SPTLC3: variants seen among roughly 807,000 people sequenced by gnomAD.
The protein encoded by SPTLC3 is serine palmitoyltransferase 3.
A neutral mutation model predicts 59.3 loss-of-function variants in SPTLC3; 36 were observed. The observed-to-expected ratio is 0.61, with a 90% CI of 0.47 to 0.80. SPTLC3 has a LOEUF of 0.80. Among genes scored for constraint, SPTLC3 ranks in the 30% least tolerant of loss-of-function variants. The pLI is 0.00. For missense variants in SPTLC3, 625 were observed against 685.1 expected, an observed-to-expected ratio of 0.91 and a Z score of 0.98; for synonymous variants, 257 against 240.8, an observed-to-expected ratio of 1.07 and a Z score of -0.62.
intron 8 of SPTLC3, 41 bp from the exon 9 acceptor site, chr20:13,126,549 GA>G: frequency 6.2e-7 from 1 of 1,608,712 alleles, no homozygotes. Context: ...CCAGTGTTGA[GA>G]TTTATTTGCC....
At chr20:13,139,434 T>A (rs941830695) in intron 9 of SPTLC3, among the ~76,000 whole-genome samples, 1 of 152,208 alleles carries the variant, frequency 6.6e-6, no homozygotes, top group African/African-American at 2.4e-5. Flanking sequence ...GTGTTTCTGT[T>A]GGGCAAGACA....
intron 9 of SPTLC3, among the ~76,000 whole-genome samples, chr20:13,152,142 A>C (rs6041907): frequency 2.0e-5 from 3 of 152,146 alleles, no homozygotes; most frequent in Non-Finnish European, 4.4e-5. Flanking sequence ...CTAGAATCCA[A>C]TTCTGGCTTG....
intron 9 of SPTLC3, among the ~76,000 whole-genome samples, chr20:13,135,722 T>A (rs976095172): frequency 6.6e-4 from 101 of 152,366 alleles, no homozygotes; most frequent in African/African-American, 2.3e-3. Context: ...GTTGGAACGA[T>A]TCTAGCTATA....
chr20:13,014,893 A>G (rs1342357388), intron 1 of SPTLC3, among the ~76,000 whole-genome samples: 1 of 152,142 alleles, frequency 6.6e-6, no homozygotes, highest in African/African-American at 2.4e-5. Flanking sequence ...GCACACTCCT[A>G]TGGCAGAGAA....
chr20:13,027,300 C>T (rs6041775), intron 1 of SPTLC3, among the ~76,000 whole-genome samples: 4,720 of 152,258 alleles, frequency 0.031, 249 homozygotes, highest in African/African-American at 0.11. Context: ...CTGTACGTCC[C>T]TTTCACATCC....
In SPTLC3 at chr20:13,165,052, A is replaced by T. The variant is rs1232996528; in HGVS notation, c.*185A>T. 1 of 544,096 alleles carries T rather than the reference A, an allele frequency of 1.8e-6. No homozygotes were observed. Among genetic ancestry groups the T allele is most frequent in the Non-Finnish European group, 3.3e-6 (1 of 305,864 alleles). 33.7% of individuals were successfully genotyped at this position (544,096 alleles called of 1,614,324 possible). A position where few individuals can be genotyped will look rare whatever the true frequency, so the allele number is the denominator to read the frequency against. ...CAGCTTGGACTGCAGAGACAAAAACATGATTCCAGATTTAAGTCTCTCTTC... is the reference window on the plus strand; with the variant it reads ...CAGCTTGGACTGCAGAGACAAAAACTTGATTCCAGATTTAAGTCTCTCTTC... On this transcript the variant is annotated 3_prime_UTR_variant, in exon 12 of 12. Transcript: ENST00000399002.
At chr20:13,061,514 C>T (rs1987974066) in intron 2 of SPTLC3, among the ~76,000 whole-genome samples, 1 of 152,158 alleles carries the variant, frequency 6.6e-6, no homozygotes, top group Admixed American at 6.5e-5. Flanking sequence ...CATCAGCAGT[C>T]ATTCAGCCTT....
chr20:13,082,291 G>A (rs1281661283), intron 4 of SPTLC3, among the ~76,000 whole-genome samples: 1 of 152,164 alleles, frequency 6.6e-6, no homozygotes, highest in African/African-American at 2.4e-5. Context: ...TGTTTCCACA[G>A]TCTGTAGGTC....
intron 9 of SPTLC3, among the ~76,000 whole-genome samples, chr20:13,153,444 C>A (rs1044012569): frequency 6.6e-6 from 1 of 152,118 alleles, no homozygotes; most frequent in Admixed American, 6.5e-5. Context: ...TAGTCTACCA[C>A]CAAATGCCTC....
chr20:13,027,619 C>G (rs1388503607), intron 1 of SPTLC3, among the ~76,000 whole-genome samples: 2 of 144,876 alleles, frequency 1.4e-5, no homozygotes, highest in Non-Finnish European at 3.0e-5. Context: ...AGCCTCTGTT[C>G]TTCAGTAATC....
At chr20:13,034,496 C>G (rs1052611635) in intron 1 of SPTLC3, among the ~76,000 whole-genome samples, 1 of 152,138 alleles carries the variant, frequency 6.6e-6, no homozygotes, top group African/African-American at 2.4e-5. Flanking sequence ...GTTAGACCTC[C>G]TGATGGTGTC....
At chr20:13,145,584 T>C (rs2038490436) in intron 9 of SPTLC3, among the ~76,000 whole-genome samples, 1 of 152,188 alleles carries the variant, frequency 6.6e-6, no homozygotes, top group Non-Finnish European at 1.5e-5. Flanking sequence ...ACAGATTCAG[T>C]TCTATGCCCA....
chr20:13,102,014 T>C (rs774128070), intron 6 of SPTLC3, among the ~76,000 whole-genome samples: 4 of 152,146 alleles, frequency 2.6e-5, no homozygotes, highest in Non-Finnish European at 5.9e-5. Context: ...TGGAGTAGTT[T>C]AAAAGAAAAA....
At chr20:13,070,579 A>G (rs1252381122) in intron 2 of SPTLC3, among the ~76,000 whole-genome samples, 1 of 152,236 alleles carries the variant, frequency 6.6e-6, no homozygotes, top group African/African-American at 2.4e-5. Context: ...GCTCCAAAGC[A>G]TAGGCGGGAG....
intron 10 of SPTLC3, among the ~76,000 whole-genome samples, chr20:13,155,638 A>G (rs2038750684): frequency 6.6e-6 from 1 of 152,162 alleles, no homozygotes; most frequent in South Asian, 2.1e-4. Flanking sequence ...CATCCTGGCC[A>G]ACATGGTGAA....
chr20:13,024,703 G>A (rs1986061699), intron 1 of SPTLC3, among the ~76,000 whole-genome samples: 1 of 152,174 alleles, frequency 6.6e-6, no homozygotes, highest in Non-Finnish European at 1.5e-5. Context: ...AATCTCTGGA[G>A]AAGAGAACTG....
chr20:13,088,480 G>A (rs113263402), intron 4 of SPTLC3, among the ~76,000 whole-genome samples: 28,251 of 146,946 alleles, frequency 0.19, 2,751 homozygotes, highest in East Asian at 0.29. Context: ...GACTACAGGC[G>A]CCCGCCACCA....
At chr20:13,155,185 C>T (rs1296794324) in intron 10 of SPTLC3, among the ~76,000 whole-genome samples, 5 of 134,100 alleles carry the variant, frequency 3.7e-5, no homozygotes, top group African/African-American at 1.4e-4. Context: ...GAGACCCTGT[C>T]AAAAAAAAAA....
chr20:13,034,491 AC>A (rs1437782967), intron 1 of SPTLC3, among the ~76,000 whole-genome samples: 3 of 151,796 alleles, frequency 2.0e-5, no homozygotes, highest in African/African-American at 7.3e-5. Context: ...TTAGAGTTAG[AC>A]CTCCTGATGG....
Sources: allele counts gnomAD v4.1 joint callset (sites outside exome capture counted in the v4.1 genomes callset), GRCh38; gene constraint gnomAD v4.1.1; transcripts MANE v1.5; gene names NCBI Gene and HGNC (gene_info 2026-07-23, HGNC 2026-07-21).